Variants in RAB11FIP4 observed in about 807,000 individuals in gnomAD.
RAB11FIP4 encodes rab11 family-interacting protein 4.
In RAB11FIP4, 23 loss-of-function variants were observed where a neutral mutation model predicts 74.3. The ratio of observed to expected loss-of-function variants is 0.31; its 90% CI spans 0.22 to 0.44. The LOEUF is 0.44. RAB11FIP4 is among the 20% of genes least tolerant of loss of function. The probability of loss-of-function intolerance (pLI) is 1.00; values close to 1 mark genes in which losing one functional copy is unlikely to be tolerated. For synonymous variants in RAB11FIP4, 360 were observed against 359.9 expected, an observed-to-expected ratio of 1.00 and a Z score of 0.00; for missense variants, 630 against 863.9, an observed-to-expected ratio of 0.73 and a Z score of 3.39.
At position 31,523,936 on chromosome 17, in the gene RAB11FIP4, G is replaced by T. The variant is rs2072716959; in HGVS notation, c.1073G>T (p.Ser358Ile). The change falls in exon 9 of 15, where the codon AGC becomes ATC. Residue 358 changes from serine (S) to isoleucine (I), a missense_variant. Physicochemically the swap from Ser to Ile is moderately radical, Grantham distance 142. Coordinates refer to ENST00000621161, the MANE Select transcript of RAB11FIP4 (RefSeq NM_032932.6). ...AAGGTGACAGAGCTGGAGAATGACA[G>T]CCTGACCAATGGGGACCTGAAGAGC... Reference protein sequence around the residue: ...EKKVTELENDSLTNGDLKSKL... With the variant: ...EKKVTELENDILTNGDLKSKL... 6.2e-7 allele frequency: 1 copy of T among 1,612,658 alleles called. No individual in the cohort carries two copies. Among genetic ancestry groups the T allele is most frequent in the South Asian group, 1.1e-5 (1 of 90,852 alleles).
At chr17:31,527,993 A>G in intron 11 of RAB11FIP4, 70 bp downstream of exon 11, 2 of 1,202,744 alleles carry the variant, frequency 1.7e-6, no homozygotes, top group Non-Finnish European at 2.4e-6. Flanking sequence ...TGCTTCTGAA[A>G]TTCTAAACAA....
chr17:31,525,942 G>C (rs1477230118), intron 10 of RAB11FIP4: 1 of 152,254 alleles, frequency 6.6e-6, no homozygotes, highest in Non-Finnish European at 1.5e-5. Context: ...TCTCCATGCT[G>C]AGGCTTCCCA....
At chr17:31,461,406 T>C (rs1567663881) in intron 3 of RAB11FIP4, among the ~76,000 whole-genome samples, 3 of 152,168 alleles carry the variant, frequency 2.0e-5, no homozygotes, top group Admixed American at 6.6e-5. Context: ...ATGTAAGCCC[T>C]GGATGCTCAA....
rs1325394762 is a variant in RAB11FIP4 at position 31,503,341 on chromosome 17, T to C, written c.337-14310T>C. On this transcript the variant is annotated intron_variant, in intron 3 of 14. Coordinates refer to ENST00000621161, the MANE Select transcript of RAB11FIP4 (RefSeq NM_032932.6). Reference sequence around the variant, plus strand: ...AGCCTGCAGTTCAGCCCGGCCTGAATTACCTCTTTAAAGACTATCTACAAA... The same window carrying C: ...AGCCTGCAGTTCAGCCCGGCCTGAACTACCTCTTTAAAGACTATCTACAAA... 4.7e-5 allele frequency among the ~76,000 whole-genome samples: 7 copies of C among 149,720 alleles called. 1 individual carries two copies. The highest frequency in any genetic ancestry group is 1.8e-4 in the African/African-American group (7 of 39,104).
chr17:31,447,027 G>A (rs2142697274), intron 3 of RAB11FIP4, among the ~76,000 whole-genome samples: 1 of 152,264 alleles, frequency 6.6e-6, no homozygotes, highest in East Asian at 1.9e-4. Flanking sequence ...GCTCTCGCCT[G>A]TAATCCCAGT....
At chr17:31,398,448 A>C (rs2070951989) in intron 1 of RAB11FIP4, among the ~76,000 whole-genome samples, 1 of 151,928 alleles carries the variant, frequency 6.6e-6, no homozygotes, top group South Asian at 2.1e-4. Context: ...GCCAGCGTTG[A>C]GAGACCGTGC....
intron 1 of RAB11FIP4, among the ~76,000 whole-genome samples, chr17:31,404,336 G>A (rs1219404242): frequency 6.6e-6 from 1 of 152,182 alleles, no homozygotes; most frequent in East Asian, 1.9e-4. Context: ...CTTTTCTACT[G>A]CACCTCAGAT....
At chr17:31,426,599 C>CTTTTT (rs59839758) in intron 1 of RAB11FIP4, among the ~76,000 whole-genome samples, 1 of 122,062 alleles carries the variant, frequency 8.2e-6, no homozygotes, top group African/African-American at 3.2e-5. Flanking sequence ...TTTTCTTTTC[C>CTTTTT]TTTTTTTTTT....
chr17:31,411,633 T>C (rs576930649), intron 1 of RAB11FIP4, among the ~76,000 whole-genome samples: 10 of 152,256 alleles, frequency 6.6e-5, no homozygotes, highest in African/African-American at 2.4e-4. Context: ...GAAAGAGGTT[T>C]AAATTATAAA....
At chr17:31,498,885 T>C (rs1391106320) in intron 3 of RAB11FIP4, among the ~76,000 whole-genome samples, 1 of 152,164 alleles carries the variant, frequency 6.6e-6, no homozygotes, top group Non-Finnish European at 1.5e-5. Context: ...GCTCCTCTTA[T>C]CATGATGGTA....
In RAB11FIP4 at chr17:31,532,128, C is replaced by T. The variant is rs72817708; in HGVS notation, c.*396C>T. On this transcript the variant is annotated 3_prime_UTR_variant, in exon 15 of 15. Coordinates refer to ENST00000621161, the MANE Select transcript of RAB11FIP4 (RefSeq NM_032932.6). ...CGCTCTAGTACGATGGGCTCTTTCA[C>T]CCCACTCCTAGTCCCCTTGGGAGTG... is the stretch of plus-strand genomic sequence containing the variant. The T allele has an allele frequency of 0.044, 7,548 of 170,926 alleles. 259 individuals carry two copies. The highest frequency in any genetic ancestry group is 0.059 in the Non-Finnish European group (4,613 of 78,400). 10.6% of individuals were successfully genotyped at this position (170,926 alleles called of 1,614,324 possible). A position where few individuals can be genotyped will look rare whatever the true frequency, so the allele number is the denominator to read the frequency against.
intron 1 of RAB11FIP4, among the ~76,000 whole-genome samples, chr17:31,397,767 C>G (rs911206836): frequency 4.6e-5 from 7 of 152,162 alleles, no homozygotes; most frequent in Admixed American, 4.6e-4. Flanking sequence ...CGAGTCCTAG[C>G]TGGGGCACCC....
chr17:31,524,898 T>A, intron 9 of RAB11FIP4, 192 bp from the exon 10 acceptor site: 1 of 685,812 alleles, frequency 1.5e-6, no homozygotes. Flanking sequence ...TGCCCCTCCA[T>A]GGCATGTGTG....
At chr17:31,431,397 A>G (rs1431129038) in intron 1 of RAB11FIP4, among the ~76,000 whole-genome samples, 1 of 152,228 alleles carries the variant, frequency 6.6e-6, no homozygotes, top group Non-Finnish European at 1.5e-5. Flanking sequence ...GAGTTTCCCC[A>G]TCTAGCCAGC....
intron 3 of RAB11FIP4, among the ~76,000 whole-genome samples, chr17:31,467,858 T>C (rs1479864844): frequency 6.6e-6 from 1 of 152,214 alleles, no homozygotes; most frequent in Non-Finnish European, 1.5e-5. Context: ...TTAAGGTAAC[T>C]GAATGCCCAG....
At chr17:31,402,682 C>T (rs570639507) in intron 1 of RAB11FIP4, among the ~76,000 whole-genome samples, 122 of 151,202 alleles carry the variant, frequency 8.1e-4, no homozygotes, top group South Asian at 1.5e-3. Context: ...CGTGCAGTGG[C>T]GCAATCTTGA....
chr17:31,497,120 T>C (rs1474867699), intron 3 of RAB11FIP4, among the ~76,000 whole-genome samples: 2 of 152,118 alleles, frequency 1.3e-5, no homozygotes, highest in East Asian at 3.9e-4. Context: ...TCCCAGCACT[T>C]TGGGAGGCCA....
At chr17:31,478,928 A>G (rs2071820957) in intron 3 of RAB11FIP4, among the ~76,000 whole-genome samples, 1 of 152,214 alleles carries the variant, frequency 6.6e-6, no homozygotes, top group Non-Finnish European at 1.5e-5. Context: ...ATGGTCTTCA[A>G]TCATCCTTAC....
intron 3 of RAB11FIP4, among the ~76,000 whole-genome samples, chr17:31,444,371 GAAAA>G (rs893190124): frequency 6.7e-6 from 1 of 149,046 alleles, no homozygotes; most frequent in Admixed American, 6.7e-5. Flanking sequence ...CTTCTAAAGA[GAAAA>G]AAAAATCTAC....
Sources: allele counts gnomAD v4.1 joint callset (sites outside exome capture counted in the v4.1 genomes callset), GRCh38; gene constraint gnomAD v4.1.1; transcripts MANE v1.5; gene names NCBI Gene and HGNC (gene_info 2026-07-23, HGNC 2026-07-21).